HUWE1: variants seen among roughly 807,000 people sequenced by gnomAD.
HUWE1 encodes the protein E3 ubiquitin-protein ligase HUWE1.
A neutral mutation model predicts 299.4 loss-of-function variants in HUWE1; 18 were observed. That is an observed-to-expected ratio of 0.06 (90% CI 0.04 to 0.09). The LOEUF (loss-of-function observed/expected upper bound fraction) is 0.09. HUWE1 is among the 10% of genes least tolerant of loss of function. The pLI is 1.00. For missense variants in HUWE1, 1,832 were observed against 3,462.3 expected (o/e 0.53, Z 11.82); for synonymous variants, 1,317 against 1,286.1 (o/e 1.02, Z -0.51).
At chrX:53,624,979 T>C (rs782390901) in intron 18 of HUWE1, among the ~76,000 whole-genome samples, 178 bp downstream of exon 18, 1 of 111,670 alleles carries the variant, frequency 9.0e-6, no homozygotes, top group Non-Finnish European at 1.9e-5. Context: ...ATTATGAAAA[T>C]AGCTAAGCAA....
rs782055766 is a variant in HUWE1, at chrX:53,632,386, G to A, written c.645+101C>T. 15 of 622,585 alleles carry A rather than the reference G, an allele frequency of 2.4e-5. No individual in the cohort carries two copies. In the African/African-American group the frequency reaches 3.3e-4, roughly 14 times the overall value. 51.3% of individuals were successfully genotyped at this position (622,585 alleles called of 1,213,427 possible). ...TATAGTTTGCGAGGGCAGCAGTGTA[G>A]CTCAAAACCATTTATTCATTTAACT... is the stretch of plus-strand genomic sequence containing the variant. On this transcript the variant is annotated intron_variant, in intron 9 of 83. Coordinates refer to ENST00000262854, the MANE Select transcript of HUWE1 (RefSeq NM_031407.7).
At chrX:53,544,435 G>C in intron 72 of HUWE1, 125 bp downstream of exon 72, 2 of 550,164 alleles carry the variant, frequency 3.6e-6, no homozygotes, top group Non-Finnish European at 6.2e-6. Context: ...CTGAAAAAAG[G>C]ATAATCATTT....
Position 53,562,833 on chromosome X carries a change from T to C in HUWE1, c.7202A>G (p.Glu2401Gly). The change falls in exon 53 of 84, where the codon GAA becomes GGA. Residue 2401 changes from glutamate (E) to glycine (G), a missense_variant and splice_region_variant. Glu to Gly is a moderately conservative substitution (Grantham distance 98). This residue lies in a region of HUWE1 where 170 missense variants were observed against 335.8 expected (regional missense o/e 0.51). Coordinates refer to ENST00000262854, the MANE Select transcript of HUWE1 (RefSeq NM_031407.7). ...CTTTCTGGCCTCGGCACTCTCACCT[T>C]CTCGGTTGGCCTGCAAGGTGGAAGC... ...SQASTLQANREDSMNILDPED... is the reference protein window; with the variant it reads ...SQASTLQANRGDSMNILDPED... 8.3e-7 allele frequency: 1 copy of C among 1,208,586 alleles called. No homozygotes were observed. The highest frequency in any genetic ancestry group is 1.1e-6 in the Non-Finnish European group (1 of 893,466).
intron 26 of HUWE1, among the ~76,000 whole-genome samples, chrX:53,603,867 C>T (rs2065018669): frequency 1.8e-5 from 2 of 112,000 alleles, no homozygotes; most frequent in South Asian, 7.4e-4. Flanking sequence ...TCAGTAAGTA[C>T]CTAGATTTAT....
Position 53,559,416 on chromosome X carries a change from C to T in HUWE1, c.7853G>A (p.Arg2618His). ...VGNDDVHIIA[R>H]SDDELLDDFF... ...GTCATCCAGCAGCTCATCATCAGAA[C>T]GGGCGATGATGTGGACGTCATCGTT... Residue 2618 changes from arginine (R) to histidine (H), a missense_variant, in exon 57 of 84, where the codon CGT (arginine) becomes CAT (histidine). Arg to His is a conservative substitution (Grantham distance 29). Around this residue, in one of 15 missense-constraint regions of HUWE1, gnomAD observed 170 missense variants for 335.8 expected, o/e 0.51. Coordinates refer to ENST00000262854, the MANE Select transcript of HUWE1 (RefSeq NM_031407.7). 5.0e-6 allele frequency: 6 copies of T among 1,210,778 alleles called. No individual in the cohort carries two copies. Among genetic ancestry groups the T allele is most frequent in the Non-Finnish European group, 6.7e-6 (6 of 894,710 alleles).
intron 7 of HUWE1, among the ~76,000 whole-genome samples, chrX:53,641,479 T>C (rs1200435817): frequency 5.4e-5 from 6 of 111,824 alleles, no homozygotes; most frequent in African/African-American, 1.9e-4. Context: ...AAAATATTCA[T>C]CTAAAAGGCA....
chrX:53,569,192 A>G (rs1556948445), intron 48 of HUWE1, among the ~76,000 whole-genome samples: 2 of 111,256 alleles, frequency 1.8e-5, no homozygotes, highest in African/African-American at 6.5e-5. Context: ...ACGCCCAGCT[A>G]ATTTTCTGTA....
intron 19 of HUWE1, among the ~76,000 whole-genome samples, chrX:53,622,070 G>A (rs1283061961): frequency 2.7e-5 from 3 of 112,152 alleles, no homozygotes; most frequent in South Asian, 3.7e-4. Flanking sequence ...GGGAGAAGGA[G>A]TCAGAATATT....
intron 42 of HUWE1, among the ~76,000 whole-genome samples, chrX:53,581,665 AT>A (rs1265066640): frequency 1.7e-3 from 179 of 107,047 alleles, no homozygotes; most frequent in African/African-American, 2.6e-3. Flanking sequence ...TGGTATCTTA[AT>A]TTTTTTTTTT....
intron 74 of HUWE1, among the ~76,000 whole-genome samples, chrX:53,541,276 G>T (rs782459863): frequency 3.2e-4 from 36 of 112,013 alleles, no homozygotes; most frequent in Non-Finnish European, 5.5e-4. Flanking sequence ...GTAAATGGGG[G>T]AGCCAAGATT....
At chrX:53,617,628 T>G (rs1310916680) in intron 19 of HUWE1, among the ~76,000 whole-genome samples, 182 bp from the exon 20 acceptor site, 5 of 111,997 alleles carry the variant, frequency 4.5e-5, no homozygotes, top group Non-Finnish European at 9.4e-5. Context: ...AAGAATCTAG[T>G]GACTACACTT....
chrX:53,541,816 T>C (rs1268840849), intron 74 of HUWE1, among the ~76,000 whole-genome samples: 6 of 111,735 alleles, frequency 5.4e-5, no homozygotes, highest in African/African-American at 2.0e-4. Context: ...CAGTGAGCTA[T>C]GACTATGTTA....
At chrX:53,538,203 C>A in intron 77 of HUWE1, 134 bp downstream of exon 77, 1 of 524,866 alleles carries the variant, frequency 1.9e-6, no homozygotes, top group Non-Finnish European at 3.5e-6. Context: ...ACAGCTGTCT[C>A]TTCCCTCCTC....
At chrX:53,575,564 G>A (rs996398187) in intron 45 of HUWE1, 79 bp downstream of exon 45, 20 of 1,008,947 alleles carry the variant, frequency 2.0e-5, no homozygotes, top group East Asian at 3.1e-5. Context: ...GAAATTCCCC[G>A]GGGATAGCCC....
In HUWE1 at chrX:53,562,129, T is replaced by TTCC. The variant is rs781877059; in HGVS notation, c.7317_7319dup (p.Glu2440dup). The stretch of plus-strand genomic sequence containing the variant: ...CCCTCACCTGATCATCTTCCTCATC[T>TTCC]TCCTCCTCCTCCTCCTCTTCATCCT... On this transcript the variant is annotated inframe_insertion, in exon 54 of 84. Coordinates refer to ENST00000262854, the MANE Select transcript of HUWE1 (RefSeq NM_031407.7). 2.4e-5 allele frequency: 29 copies of TTCC among 1,195,733 alleles called. No individual in the cohort carries two copies. Among genetic ancestry groups the TTCC allele is most frequent in the South Asian group, 3.5e-5 (2 of 56,439 alleles).
chrX:53,623,904 T>C (rs2148946393), intron 19 of HUWE1, among the ~76,000 whole-genome samples: 1 of 112,345 alleles, frequency 8.9e-6, no homozygotes, highest in East Asian at 2.8e-4. Flanking sequence ...ACAAGGAGAC[T>C]TTCCCTATTT....
chrX:53,643,371 TAG>T (rs2067744667), intron 7 of HUWE1, among the ~76,000 whole-genome samples: 1 of 110,129 alleles, frequency 9.1e-6, no homozygotes, highest in African/African-American at 3.3e-5. Context: ...TTTTTTGAGA[TAG>T]AGTCTTGCTC....
chrX:53,584,423 C>T, intron 40 of HUWE1, 78 bp from the exon 41 acceptor site: 2 of 837,533 alleles, frequency 2.4e-6, no homozygotes, highest in Admixed American at 2.5e-5. Flanking sequence ...GGACATCTCC[C>T]AGGTAAAATG....
In HUWE1 at chrX:53,631,503, T is replaced by C. The variant is rs140302991; in HGVS notation, c.694-21A>G. ...GAAATCTACATTAAAAAAAAAGATA[T>C]AGTTAGGAACAAAAAGTGAACCAAA... On this transcript the variant is annotated intron_variant, in intron 10 of 83. Coordinates refer to ENST00000262854, the MANE Select transcript of HUWE1 (RefSeq NM_031407.7). 5.0e-4 allele frequency: 590 copies of C among 1,176,114 alleles called. No individual in the cohort carries two copies. The highest frequency in any genetic ancestry group is 6.3e-4 in the Non-Finnish European group (542 of 865,085).
Sources: gnomAD v4.1 joint callset for allele counts (sites outside exome capture counted in the v4.1 genomes callset) on GRCh38, gnomAD v4.1.1 for gene constraint, gnomAD v4.1.1 regional missense constraint, MANE v1.5 for transcripts, NCBI Gene and HGNC (gene_info 2026-07-23, HGNC 2026-07-21) for gene names.